ADAMTS17: variants seen among roughly 807,000 people sequenced by gnomAD.
ADAMTS17 encodes ADAM metallopeptidase with thrombospondin type 1 motif 17.
Under a neutral mutation model 141.5 loss-of-function variants are expected in ADAMTS17, and 113 were observed. The ratio of observed to expected loss-of-function variants is 0.80; its 90% CI spans 0.69 to 0.93. The LOEUF is 0.93. Ranked by LOEUF, ADAMTS17 falls within the 40% of genes least tolerant of loss-of-function variation. The pLI, the probability that ADAMTS17 is intolerant of heterozygous loss-of-function variation, is 0.00. For synonymous variants in ADAMTS17, 768 were observed against 630.6 expected, an observed-to-expected ratio of 1.22 and a Z score of -3.27; for missense variants, 1,659 against 1,517.9, an observed-to-expected ratio of 1.09 and a Z score of -1.54.
chr15:100,272,988 CT>C (rs539236204), intron 4 of ADAMTS17, among the ~76,000 whole-genome samples: 2 of 152,124 alleles, frequency 1.3e-5, no homozygotes, highest in Non-Finnish European at 1.5e-5. Flanking sequence ...AAGTATATCA[CT>C]TTTTTTATTG....
At chr15:100,316,096 G>A (rs997933861) in intron 3 of ADAMTS17, among the ~76,000 whole-genome samples, 2 of 152,216 alleles carry the variant, frequency 1.3e-5, no homozygotes, top group Non-Finnish European at 2.9e-5. Context: ...GACTACACAA[G>A]GTTTTTTAGA....
intron 8 of ADAMTS17, among the ~76,000 whole-genome samples, chr15:100,172,160 G>T (rs895580716): frequency 1.3e-5 from 2 of 152,182 alleles, no homozygotes; most frequent in African/African-American, 4.8e-5. Flanking sequence ...TTTCCGCAAA[G>T]CATTGGTTCC....
intron 2 of ADAMTS17, among the ~76,000 whole-genome samples, chr15:100,337,436 T>C (rs2046240365): frequency 6.6e-6 from 1 of 152,196 alleles, no homozygotes; most frequent in Non-Finnish European, 1.5e-5. Context: ...AGAGCTATGG[T>C]AGGAGGATCC....
chr15:100,275,933 G>T, intron 4 of ADAMTS17, among the ~76,000 whole-genome samples: 1 of 139,828 alleles, frequency 7.2e-6, no homozygotes, highest in Non-Finnish European at 1.6e-5. Flanking sequence ...GGTACTGTCT[G>T]GGTTATGCCT....
chr15:100,062,026 G>A (rs2141659723), intron 15 of ADAMTS17, among the ~76,000 whole-genome samples: 1 of 152,348 alleles, frequency 6.6e-6, no homozygotes, highest in South Asian at 2.1e-4. Context: ...TGCGAATTTA[G>A]TAAAAAGAGG....
intron 4 of ADAMTS17, among the ~76,000 whole-genome samples, chr15:100,272,682 A>T (rs1182127269): frequency 7.0e-6 from 1 of 143,612 alleles, no homozygotes; most frequent in Non-Finnish European, 1.5e-5. Context: ...GGAGGCCTTC[A>T]ATTTCTTTTT....
intron 3 of ADAMTS17, among the ~76,000 whole-genome samples, chr15:100,329,110 T>A (rs114311197): frequency 0.03 from 4,600 of 152,054 alleles, 104 homozygotes; most frequent in African/African-American, 0.05. Context: ...CAGGCGTGAG[T>A]AGCTGTTAAA....
chr15:100,140,488 C>CATATATATATATATATCTATATAT (rs2038579773), intron 10 of ADAMTS17, among the ~76,000 whole-genome samples: 2 of 124,936 alleles, frequency 1.6e-5, no homozygotes, highest in Non-Finnish European at 3.5e-5. Flanking sequence ...CACATACATA[C>CATATATATATATATATCTATATAT]ATATATATAT....
intron 20 of ADAMTS17, among the ~76,000 whole-genome samples, chr15:99,977,405 T>A (rs2060385269): frequency 4.5e-5 from 3 of 66,768 alleles, no homozygotes; most frequent in African/African-American, 8.7e-5. Context: ...TATATAATTT[T>A]TTTTTTTTTT....
At chr15:100,175,561 G>A (rs990912984) in intron 8 of ADAMTS17, among the ~76,000 whole-genome samples, 2 of 152,138 alleles carry the variant, frequency 1.3e-5, no homozygotes, top group African/African-American at 4.8e-5. Flanking sequence ...TGACTTCTAG[G>A]TGAAGGAATG....
At chr15:100,124,925 T>C (rs879440230) in intron 12 of ADAMTS17, among the ~76,000 whole-genome samples, 7 of 152,184 alleles carry the variant, frequency 4.6e-5, no homozygotes, top group African/African-American at 1.7e-4. Flanking sequence ...AACAGGATCA[T>C]ATGGCAGAAC....
At chr15:100,164,429 C>A (rs1312520930) in intron 8 of ADAMTS17, among the ~76,000 whole-genome samples, 1 of 152,186 alleles carries the variant, frequency 6.6e-6, no homozygotes, top group African/African-American at 2.4e-5. Context: ...TTGTTGAACG[C>A]CTTCTGCATG....
intron 8 of ADAMTS17, among the ~76,000 whole-genome samples, chr15:100,170,452 A>G (rs1247345243): frequency 2.0e-5 from 3 of 152,186 alleles, no homozygotes; most frequent in African/African-American, 7.2e-5. Context: ...GCTGGGCTGA[A>G]ATCAGCCTTC....
At chr15:100,236,203 G>C (rs779301292) in intron 7 of ADAMTS17, among the ~76,000 whole-genome samples, 1 of 148,558 alleles carries the variant, frequency 6.7e-6, no homozygotes, top group Non-Finnish European at 1.5e-5. Context: ...AAATGTCTAC[G>C]ATATTTGCAC....
chr15:100,043,736 C>A (rs1369063882), intron 18 of ADAMTS17, among the ~76,000 whole-genome samples: 1 of 152,224 alleles, frequency 6.6e-6, no homozygotes, highest in Non-Finnish European at 1.5e-5. Context: ...TTCTCTAGAC[C>A]TATACAGATG....
chr15:100,259,045 T>A (rs1319165798), intron 6 of ADAMTS17, among the ~76,000 whole-genome samples: 2 of 152,214 alleles, frequency 1.3e-5, no homozygotes, highest in Non-Finnish European at 2.9e-5. Context: ...CTTTTTCCAA[T>A]GTAGGGAAAA....
chr15:100,261,494 G>A lies in ADAMTS17; in HGVS notation c.1016C>T (p.Ala339Val), dbSNP rs755661020. The A allele has an allele frequency of 6.2e-7, 1 of 1,614,088 alleles. No individual in the cohort carries two copies. The highest frequency in any genetic ancestry group is 1.1e-5 in the South Asian group (1 of 91,074). Residue 339 changes from alanine to valine, a missense_variant, in exon 6 of 22, where the codon GCC becomes GTC. Physicochemically the swap from Ala to Val is moderately conservative, Grantham distance 64. Coordinates refer to ENST00000268070, the MANE Select transcript of ADAMTS17 (RefSeq NM_139057.4). The stretch of plus-strand genomic sequence containing the variant: ...CCCATCTTACCTGGTCACAAACACG[G>A]CAGCATCCACCAGGGGCGGGTCGTC... ...GKDDPPLVDA[A>V]VFVTRTDFCV...
At chr15:100,207,490 C>T (rs2041620662) in intron 7 of ADAMTS17, among the ~76,000 whole-genome samples, 1 of 152,182 alleles carries the variant, frequency 6.6e-6, no homozygotes, top group South Asian at 2.1e-4. Flanking sequence ...GCCACCGGAA[C>T]TCACCATGCT....
chr15:100,295,265 CT>C (rs2044770280), intron 3 of ADAMTS17, among the ~76,000 whole-genome samples: 1 of 152,180 alleles, frequency 6.6e-6, no homozygotes. Flanking sequence ...CTCCCAGCCC[CT>C]CTTCTGCACG....
Sources: allele counts gnomAD v4.1 joint callset (sites outside exome capture counted in the v4.1 genomes callset), GRCh38; gene constraint gnomAD v4.1.1; transcripts MANE v1.5; gene names NCBI Gene and HGNC (gene_info 2026-07-23, HGNC 2026-07-21).